MIPOL1: variants seen among roughly 807,000 people sequenced by gnomAD.
The protein encoded by MIPOL1 is mirror-image polydactyly 1.
A neutral mutation model predicts 60.9 loss-of-function variants in MIPOL1; 57 were observed. That is an observed-to-expected ratio of 0.94 (90% CI 0.76 to 1.17). The LOEUF (loss-of-function observed/expected upper bound fraction) is 1.17. MIPOL1 is among the 50% of genes most tolerant of loss of function. MIPOL1 has a pLI of 0.00. For synonymous variants in MIPOL1, 179 were observed against 168.8 expected (o/e 1.06, Z -0.47); for missense variants, 551 against 511.6 (o/e 1.08, Z -0.74).
chr14:37,500,422 A>G (rs2095199061), intron 12 of MIPOL1, among the ~76,000 whole-genome samples: 1 of 152,136 alleles, frequency 6.6e-6, no homozygotes, highest in South Asian at 2.1e-4. Context: ...TCACAGTCAC[A>G]AGTTAATAGG....
At chr14:37,241,459 T>C (rs1972338196) in intron 1 of MIPOL1, among the ~76,000 whole-genome samples, 1 of 151,898 alleles carries the variant, frequency 6.6e-6, no homozygotes, top group African/African-American at 2.4e-5. Flanking sequence ...GACTCATGCC[T>C]ATAATCCCAG....
At chr14:37,540,659 C>T (rs951572869) in intron 12 of MIPOL1, among the ~76,000 whole-genome samples, 3 of 152,082 alleles carry the variant, frequency 2.0e-5, no homozygotes, top group Non-Finnish European at 4.4e-5. Context: ...TCCTTTTAAT[C>T]GGTCTTCATG....
rs115860770 is a variant in MIPOL1, at chr14:37,406,244, A to T, written c.937-16611A>T. ...GTTCTTTAATTGATGTTGAAATGGT[A>T]TAGAAGAAATTCTACCCAGGTGCTT... On this transcript the variant is annotated intron_variant, in intron 10 of 12. Transcript: ENST00000684589. 1.7e-3 allele frequency among the ~76,000 whole-genome samples: 259 copies of T among 152,264 alleles called. 1 individual carries two copies. The highest frequency in any genetic ancestry group is 5.9e-3 in the African/African-American group (245 of 41,586).
chr14:37,452,057 C>T (rs1459131390), intron 11 of MIPOL1, among the ~76,000 whole-genome samples: 2 of 151,584 alleles, frequency 1.3e-5, no homozygotes, highest in African/African-American at 4.9e-5. Context: ...CCTCGTGATC[C>T]GCCCGCCTCG....
chr14:37,449,916 G>T (rs2094393313), intron 11 of MIPOL1, among the ~76,000 whole-genome samples: 1 of 152,198 alleles, frequency 6.6e-6, no homozygotes, highest in East Asian at 1.9e-4. Flanking sequence ...GGGTTTAAGT[G>T]ATTCTCCTGC....
At chr14:37,268,396 G>A (rs2083037519) in intron 4 of MIPOL1, among the ~76,000 whole-genome samples, 1 of 152,056 alleles carries the variant, frequency 6.6e-6, no homozygotes, top group African/African-American at 2.4e-5. Context: ...GAGATATCTA[G>A]CATAATTACA....
At chr14:37,405,574 T>C (rs2093571545) in intron 10 of MIPOL1, among the ~76,000 whole-genome samples, 1 of 152,114 alleles carries the variant, frequency 6.6e-6, no homozygotes, top group Admixed American at 6.6e-5. Context: ...TTTGATAATT[T>C]CTTGTTTATT....
At chr14:37,329,996 A>T (rs2089525332) in intron 9 of MIPOL1, among the ~76,000 whole-genome samples, 2 of 145,676 alleles carry the variant, frequency 1.4e-5, no homozygotes, top group Admixed American at 7.1e-5. Flanking sequence ...AAGGATCAAA[A>T]CACCACATCC....
intron 1 of MIPOL1, among the ~76,000 whole-genome samples, chr14:37,207,924 T>C (rs1339257446): frequency 1.3e-5 from 2 of 152,212 alleles, no homozygotes; most frequent in East Asian, 3.8e-4. Context: ...TTTTTGGTTA[T>C]AATTTAATTG....
intron 9 of MIPOL1, among the ~76,000 whole-genome samples, chr14:37,355,550 G>A (rs1210788674): frequency 6.7e-6 from 1 of 150,166 alleles, no homozygotes. Context: ...ACACCAATGA[G>A]ACGTAGATTT....
intron 9 of MIPOL1, among the ~76,000 whole-genome samples, chr14:37,359,989 G>A (rs943022665): frequency 6.6e-6 from 1 of 152,070 alleles, no homozygotes; most frequent in South Asian, 2.1e-4. Flanking sequence ...TTTGAGATAC[G>A]TTCCATCAAT....
chr14:37,454,089 C>T (rs1429040109), intron 11 of MIPOL1, among the ~76,000 whole-genome samples: 1 of 152,158 alleles, frequency 6.6e-6, no homozygotes, highest in African/African-American at 2.4e-5. Context: ...TTAGCCATGA[C>T]CTGGAATAAA....
intron 11 of MIPOL1, among the ~76,000 whole-genome samples, chr14:37,457,293 C>T (rs1594448439): frequency 6.6e-6 from 1 of 152,164 alleles, no homozygotes; most frequent in African/African-American, 2.4e-5. Flanking sequence ...GGTTCTTGAT[C>T]TTTCTCATTC....
intron 11 of MIPOL1, among the ~76,000 whole-genome samples, chr14:37,441,821 T>C (rs899460946): frequency 1.3e-5 from 2 of 152,166 alleles, no homozygotes; most frequent in Admixed American, 1.3e-4. Flanking sequence ...GGTGTTTTCA[T>C]AGGGCCTGCT....
Position 37,332,882 on chromosome 14 carries a change from A to T in MIPOL1, c.828+24363A>T, listed in dbSNP as rs377545758. ...GAAAAATACGTGAGAACTGCAAGAG[A>T]TCATTTTGCTATGATACACAATTTA... On this transcript the variant is annotated intron_variant, in intron 9 of 12. Transcript: ENST00000684589. 2.6e-5 allele frequency among the ~76,000 whole-genome samples: 4 copies of T among 152,170 alleles called. No individual in the cohort carries two copies. In the East Asian group the frequency reaches 7.7e-4, roughly 29 times the overall value.
chr14:37,285,655 A>G (rs998283844), intron 7 of MIPOL1, among the ~76,000 whole-genome samples: 4 of 149,150 alleles, frequency 2.7e-5, no homozygotes, highest in Non-Finnish European at 5.9e-5. Flanking sequence ...GCAGTGGCGC[A>G]ATCTCAGCTC....
intron 9 of MIPOL1, among the ~76,000 whole-genome samples, chr14:37,363,559 G>A (rs759296343): frequency 5.3e-5 from 8 of 152,186 alleles, no homozygotes; most frequent in Non-Finnish European, 1.2e-4. Flanking sequence ...CCAGTGGGAG[G>A]TGTCTTCCAG....
chr14:37,385,641 T>C (rs1167154714), intron 10 of MIPOL1: 1 of 152,088 alleles, frequency 6.6e-6, no homozygotes, highest in African/African-American at 2.4e-5. Flanking sequence ...ATTTTATCCC[T>C]ATACATTCTT....
downstream of MIPOL1, chr14:37,551,909 A>T (rs1197686605): frequency 6.9e-6 from 1 of 144,324 alleles, no homozygotes; most frequent in Non-Finnish European, 1.5e-5. Context: ...AATAATAATA[A>T]TAATAATAAT....
Sources: allele counts gnomAD v4.1 joint callset (sites outside exome capture counted in the v4.1 genomes callset), GRCh38; gene constraint gnomAD v4.1.1; transcripts MANE v1.5; gene names NCBI Gene and HGNC (gene_info 2026-07-23, HGNC 2026-07-21).